ZBTB34: variants seen among roughly 807,000 people sequenced by gnomAD.
The protein encoded by ZBTB34 is zinc finger and BTB domain-containing protein 34.
ZBTB34 carries 1 observed loss-of-function variant against 33.4 expected under a neutral mutation model. The observed-to-expected ratio is 0.03, with a 90% CI of 0.01 to 0.14. ZBTB34 has a LOEUF of 0.14. Among genes scored for constraint, ZBTB34 ranks in the 10% least tolerant of loss-of-function variants. The pLI, the probability that ZBTB34 is intolerant of heterozygous loss-of-function variation, is 1.00. For synonymous variants in ZBTB34, 283 were observed against 253.5 expected (o/e 1.12, Z -1.11); for missense variants, 406 against 657.2 (o/e 0.62, Z 4.18).
At chr9:126,866,843 T>G (rs1359906861) in intron 1 of ZBTB34, among the ~76,000 whole-genome samples, 3 of 152,174 alleles carry the variant, frequency 2.0e-5, no homozygotes, top group African/African-American at 7.2e-5. Context: ...AAAGTCTGTT[T>G]CCCTTCCCTC....
chr9:126,871,565 T>C (rs1390743180), intron 1 of ZBTB34, among the ~76,000 whole-genome samples: 1 of 151,930 alleles, frequency 6.6e-6, no homozygotes, highest in African/African-American at 2.4e-5. Flanking sequence ...CTCTTGACCA[T>C]GTGATCTGCC....
intron 1 of ZBTB34, among the ~76,000 whole-genome samples, chr9:126,873,491 T>A (rs1045556444): frequency 2.6e-5 from 4 of 152,292 alleles, no homozygotes; most frequent in African/African-American, 9.6e-5. Flanking sequence ...CTCGAACTCC[T>A]GAGCTCAAAC....
In ZBTB34 at chr9:126,879,847, G is replaced by A. The variant is rs1421571479; in HGVS notation, c.448G>A (p.Glu150Lys). ...TACCGTCGGTGCTGAAGAGAATCCC[G>A]AGAGTCGAAACGGAGTGAAAGACAG... The change falls in exon 2 of 2, where the codon GAG (glutamate) becomes AAG (lysine). Residue 150 changes from glutamate to lysine, a missense_variant. Glu to Lys is a moderately conservative substitution (Grantham distance 56). Coordinates refer to ENST00000319119, the Ensembl canonical transcript of ZBTB34. The surrounding 1 kb of genome is among the most constrained non-coding windows in gnomAD (Gnocchi z 6.4). 5 of 1,613,110 alleles carry A rather than the reference G, an allele frequency of 3.1e-6. No homozygotes were observed. The highest frequency in any genetic ancestry group is 1.1e-5 in the South Asian group (1 of 91,078).
exon 1 of ZBTB34, chr9:126,860,738 A>C (rs1197622657): frequency 7.7e-6 from 1 of 129,824 alleles, no homozygotes; most frequent in African/African-American, 2.8e-5. Flanking sequence ...CGCTCTGGAC[A>C]GGTGAGGCAC....
At chr9:126,878,635 A>G (rs1320754962) in intron 1 of ZBTB34, among the ~76,000 whole-genome samples, 1 of 152,168 alleles carries the variant, frequency 6.6e-6, no homozygotes, top group Non-Finnish European at 1.5e-5. Context: ...CATTTATTGT[A>G]TCCAGTGTGC....
Position 126,880,135 on chromosome 9 carries a change from G to A in ZBTB34, c.736G>A (p.Asp246Asn), listed in dbSNP as rs752730478. The A allele has an allele frequency of 1.6e-5, 26 of 1,613,628 alleles. No homozygotes were observed. Among genetic ancestry groups the A allele is most frequent in the Non-Finnish European group, 1.9e-5 (23 of 1,179,896 alleles). Residue 246 changes from aspartate to asparagine, a missense_variant, in exon 2 of 2, where the codon GAC becomes AAC. Around this residue, in one of 6 missense-constraint regions of ZBTB34, gnomAD observed 137 missense variants for 173.0 expected, o/e 0.79. Coordinates refer to ENST00000319119, the Ensembl canonical transcript of ZBTB34. This position sits in a 1 kb window ranked among gnomAD's most constrained non-coding sequence, Gnocchi z 6.7. ...GGTGAAAGTGAAGATGGAGAAGTCC[G>A]ACCGGCCCAGCTGTTCCGACAGCTC...
intron 1 of ZBTB34, among the ~76,000 whole-genome samples, chr9:126,865,316 C>G (rs2033187061): frequency 6.6e-6 from 1 of 152,218 alleles, no homozygotes; most frequent in Non-Finnish European, 1.5e-5. Flanking sequence ...GTACTGAGAG[C>G]CTCTCTGCCC....
intron 1 of ZBTB34, among the ~76,000 whole-genome samples, chr9:126,864,192 G>A (rs2033174456): frequency 6.6e-6 from 1 of 152,178 alleles, no homozygotes; most frequent in Non-Finnish European, 1.5e-5. Context: ...GACAAATCTA[G>A]GTCCAAATCC....
chr9:126,872,838 A>G (rs2033298888), intron 1 of ZBTB34, among the ~76,000 whole-genome samples: 1 of 152,164 alleles, frequency 6.6e-6, no homozygotes, highest in African/African-American at 2.4e-5. Flanking sequence ...GGGAGAGGAG[A>G]GCAAAGCACT....
At chr9:126,865,944 C>A (rs945931466) in intron 1 of ZBTB34, among the ~76,000 whole-genome samples, 1 of 152,148 alleles carries the variant, frequency 6.6e-6, no homozygotes, top group Non-Finnish European at 1.5e-5. Flanking sequence ...GAGATTGCAC[C>A]ACTGCACTCC....
intron 1 of ZBTB34, among the ~76,000 whole-genome samples, chr9:126,875,859 C>CT (rs1423150030): frequency 6.6e-6 from 1 of 151,990 alleles, no homozygotes; most frequent in Non-Finnish European, 1.5e-5. Flanking sequence ...TGTATATCTT[C>CT]CCAGGCACTG....
intron 1 of ZBTB34, among the ~76,000 whole-genome samples, chr9:126,864,523 TG>T (rs1409416423): frequency 2.6e-5 from 4 of 152,210 alleles, no homozygotes; most frequent in African/African-American, 4.8e-5. Context: ...TGGTAGGAAA[TG>T]TAACAGTTTG....
Position 126,874,297 on chromosome 9 carries a change from G to A in ZBTB34, c.-10-5093G>A, listed in dbSNP as rs1475040701. 3.2e-4 allele frequency among the ~76,000 whole-genome samples: 49 copies of A among 150,946 alleles called. 1 individual carries two copies. The highest frequency in any genetic ancestry group is 1.2e-4 in the Non-Finnish European group (8 of 67,764). On this transcript the variant is annotated intron_variant, in intron 1 of 1. Coordinates refer to ENST00000319119, the Ensembl canonical transcript of ZBTB34. ...AATCTCCTGACCTGGTGATCTGCCC[G>A]CCCCGGCCTCCCAAAGTGCTGGGAT...
chr9:126,869,293 A>G (rs914614651), intron 1 of ZBTB34, among the ~76,000 whole-genome samples: 22 of 146,660 alleles, frequency 1.5e-4, no homozygotes, highest in African/African-American at 5.6e-4. Flanking sequence ...TTGTATAGGG[A>G]CCTAGATACG....
chr9:126,866,557 A>G (rs1374307973), intron 1 of ZBTB34, among the ~76,000 whole-genome samples: 1 of 152,006 alleles, frequency 6.6e-6, no homozygotes, highest in Non-Finnish European at 1.5e-5. Flanking sequence ...GTTCAAAAAT[A>G]TCTTCCTCCA....
At chr9:126,861,052 C>T (rs2033136457) in intron 1 of ZBTB34, among the ~76,000 whole-genome samples, 1 of 152,060 alleles carries the variant, frequency 6.6e-6, no homozygotes, top group South Asian at 2.1e-4. Flanking sequence ...CTGCCCTGGG[C>T]TCCCAGCCTC....
At position 126,878,041 on chromosome 9, in the gene ZBTB34, A is replaced by G. The variant is rs371264863; in HGVS notation, c.-10-1349A>G. ...TAAATAAAATAAAATATTGTCTAAA[A>G]TAACTCTTCACTGGTCGGGTGTGGC... On this transcript the variant is annotated intron_variant, in intron 1 of 1. Coordinates refer to ENST00000319119, the Ensembl canonical transcript of ZBTB34. Among the ~76,000 whole-genome samples, 37 of 152,184 alleles carry G rather than the reference A, an allele frequency of 2.4e-4. No homozygotes were observed. In the East Asian group the frequency reaches 3.9e-3, roughly 16 times the overall value.
intron 1 of ZBTB34, chr9:126,863,824 AT>A: frequency 4.0e-6 from 2 of 499,926 alleles, no homozygotes; most frequent in Non-Finnish European, 5.2e-6. Context: ...GTGCCTTACT[AT>A]TTTTTAGTTA....
chr9:126,864,443 T>G (rs543865081), intron 1 of ZBTB34, among the ~76,000 whole-genome samples: 1 of 152,256 alleles, frequency 6.6e-6, no homozygotes, highest in African/African-American at 2.4e-5. Context: ...ATGTTTTGCA[T>G]TGACTAAAAG....
Sources: allele counts gnomAD v4.1 joint callset (sites outside exome capture counted in the v4.1 genomes callset), GRCh38; gene constraint gnomAD v4.1.1; regional missense constraint gnomAD v4.1.1; non-coding constraint Gnocchi (gnomAD v3.1); transcripts MANE v1.5; gene names NCBI Gene and HGNC (gene_info 2026-07-23, HGNC 2026-07-21).